The following NDE1 variants were observed in gnomAD, a reference collection of about 807,000 sequenced individuals.
NDE1 encodes nuclear distribution protein nudE homolog 1.
NDE1 carries 28 observed loss-of-function variants against 43.4 expected under a neutral mutation model. The ratio of observed to expected loss-of-function variants is 0.65; its 90% CI spans 0.48 to 0.89. NDE1 has a LOEUF of 0.89. Ranked by LOEUF, NDE1 falls within the 40% of genes least tolerant of loss-of-function variation. The probability of loss-of-function intolerance (pLI) is 0.00; values close to 1 mark genes in which losing one functional copy is unlikely to be tolerated. For missense variants in NDE1, 441 were observed against 434.1 expected (o/e 1.02, Z -0.14); for synonymous variants, 184 against 172.0 (o/e 1.07, Z -0.55).
intron 8 of NDE1, chr16:15,718,463 G>A (rs933924432): frequency 5.2e-6 from 8 of 1,542,570 alleles, no homozygotes; most frequent in South Asian, 1.2e-5. Context: ...GCCATGGTGG[G>A]GGCCTCTACC....
intron 8 of NDE1, among the ~76,000 whole-genome samples, chr16:15,700,765 A>G (rs2039194492): frequency 6.6e-6 from 1 of 151,878 alleles, no homozygotes; most frequent in South Asian, 2.1e-4. Context: ...ATTGGTCTTG[A>G]CAGGTGTTTT....
chr16:15,683,181 A>C (rs1376384981), intron 4 of NDE1: 1 of 152,112 alleles, frequency 6.6e-6, no homozygotes, highest in Admixed American at 6.6e-5. Context: ...TTTTGGCTCA[A>C]AAAGGATATG....
intron 8 of NDE1, among the ~76,000 whole-genome samples, chr16:15,708,261 A>G (rs959811744): frequency 1.3e-5 from 2 of 152,200 alleles, no homozygotes; most frequent in South Asian, 2.1e-4. Context: ...CAAGCCTGTG[A>G]AAGCTGAATC....
chr16:15,653,812 C>G lies in NDE1; in HGVS notation c.-44+3518C>G, dbSNP rs192974344. ...GGGCGATCTCGGCTCACTGCAACCA[C>G]CGCCTCCCATGCTCAAGTGATCCTC... On this transcript the variant is annotated intron_variant, in intron 1 of 8. Coordinates refer to ENST00000396354, the MANE Select transcript of NDE1 (RefSeq NM_017668.3). 6.1e-3 allele frequency among the ~76,000 whole-genome samples: 922 copies of G among 151,756 alleles called. 3 individuals are homozygous for G. The highest frequency in any genetic ancestry group is 9.9e-3 in the Non-Finnish European group (672 of 67,922).
chr16:15,649,825 G>A (rs975335592), upstream of NDE1, among the ~76,000 whole-genome samples: 11 of 152,356 alleles, frequency 7.2e-5, no homozygotes, highest in South Asian at 2.1e-4. Context: ...AGGGCACGGG[G>A]CACTGCTAGC....
chr16:15,667,509 G>C, intron 3 of NDE1, 70 bp downstream of exon 3: 3 of 1,582,490 alleles, frequency 1.9e-6, no homozygotes, highest in South Asian at 2.2e-5. Flanking sequence ...TGCTTGGCTG[G>C]AAGAAGGAAC....
At chr16:15,669,856 C>T (rs1313368077) in intron 3 of NDE1, among the ~76,000 whole-genome samples, 4 of 152,178 alleles carry the variant, frequency 2.6e-5, no homozygotes, top group East Asian at 1.9e-4. Flanking sequence ...TAGCATTCCC[C>T]GCACCTCCAA....
upstream of NDE1, among the ~76,000 whole-genome samples, chr16:15,646,886 A>C (rs1006856488): frequency 1.3e-5 from 2 of 151,936 alleles, no homozygotes; most frequent in Non-Finnish European, 2.9e-5. Context: ...CCCTGCCTCT[A>C]CTAAAATAGA....
rs869069843 is a variant in NDE1 at position 15,690,353 on chromosome 16, CTTTTTTTTTT to C, written c.524-772_524-763del. Among the ~76,000 whole-genome samples, 436 of 81,002 alleles carry C rather than the reference CTTTTTTTTTT, an allele frequency of 5.4e-3. 9 individuals carry two copies. Among genetic ancestry groups the C allele is most frequent in the African/African-American group, 0.021 (411 of 19,488 alleles). The allele number at this position is 81,002 out of a possible 152,430, so 53.1% of individuals were successfully genotyped here. On this transcript the variant is annotated intron_variant, in intron 5 of 8. Coordinates refer to ENST00000396354, the MANE Select transcript of NDE1 (RefSeq NM_017668.3). ...GCAACTGGCCTTTTTTTTTTTTTTT[CTTTTTTTTTT>C]TTTTTTTTTTTTTTTTTTGAGCCAG...
In NDE1 at chr16:15,725,224, C is replaced by G; in HGVS notation, c.*973C>G. 1.6e-6 allele frequency: 1 copy of G among 607,260 alleles called. No individual in the cohort carries two copies. The highest frequency in any genetic ancestry group is 2.9e-6 in the Non-Finnish European group (1 of 345,064). The allele number at this position is 607,260 out of a possible 1,614,324, so 37.6% of individuals were successfully genotyped here. On this transcript the variant is annotated 3_prime_UTR_variant, in exon 9 of 9. Transcript: ENST00000396354. ...TCACCTATGAGTTGGGACCCTGGCC[C>G]TAGACTCTGTGGTTCTAAGAACTTA... is the stretch of plus-strand genomic sequence containing the variant.
intron 8 of NDE1, chr16:15,704,242 T>C: frequency 1.6e-6 from 2 of 1,228,790 alleles, no homozygotes; most frequent in Non-Finnish European, 2.3e-6. Context: ...ATTTTTTTTA[T>C]GGCAGAAAAC....
At chr16:15,680,713 T>C (rs2038133602) in intron 4 of NDE1, among the ~76,000 whole-genome samples, 1 of 152,072 alleles carries the variant, frequency 6.6e-6, no homozygotes, top group African/African-American at 2.4e-5. Flanking sequence ...CTAATTTTTG[T>C]ATTTTTAGCA....
intron 8 of NDE1, chr16:15,720,394 C>T (rs1030644508): frequency 6.5e-7 from 1 of 1,527,414 alleles, no homozygotes; most frequent in South Asian, 1.2e-5. Context: ...ATCACTGCAC[C>T]CCTTCCCCAG....
chr16:15,647,959 G>A (rs1435722957), upstream of NDE1, among the ~76,000 whole-genome samples: 1 of 151,706 alleles, frequency 6.6e-6, no homozygotes, highest in Admixed American at 6.6e-5. Context: ...CTTGAGCCTG[G>A]GAGGTCCAGG....
At chr16:15,671,968 G>A (rs1360020775) in intron 3 of NDE1, among the ~76,000 whole-genome samples, 1 of 152,072 alleles carries the variant, frequency 6.6e-6, no homozygotes, top group African/African-American at 2.4e-5. Flanking sequence ...GATTACAGGT[G>A]TGAGCCACTG....
At chr16:15,662,768 G>A (rs759026026) in intron 1 of NDE1, among the ~76,000 whole-genome samples, 5 of 151,964 alleles carry the variant, frequency 3.3e-5, no homozygotes, top group Non-Finnish European at 7.4e-5. Flanking sequence ...TAGTAGAGAC[G>A]GAGTTTCTCC....
At chr16:15,645,167 G>A (rs780545204) in intron 1 of NDE1, among the ~76,000 whole-genome samples, 2 of 152,040 alleles carry the variant, frequency 1.3e-5, no homozygotes, top group Admixed American at 6.6e-5. Flanking sequence ...TGATCCTCCC[G>A]CCTCGGCCTC....
At chr16:15,649,284 C>CT (rs2036396180), upstream of NDE1, 2 of 152,324 alleles carry the variant, frequency 1.3e-5, no homozygotes, top group Admixed American at 1.3e-4. Flanking sequence ...AACGTTTTTA[C>CT]AAATGCTGTT....
rs2036431671 is a variant in NDE1 at position 15,650,292 on chromosome 16, C to G, written c.-46C>G. On this transcript the variant is annotated splice_region_variant and 5_prime_UTR_variant, in exon 1 of 9. Transcript: ENST00000396354. ...CCGCGTTGGCCTCGCCGCCCCTGCT[C>G]GGGTAAGTGAGGCGCTGCGCGGGGC... is the stretch of plus-strand genomic sequence containing the variant. 2 of 310,498 alleles carry G rather than the reference C, an allele frequency of 6.4e-6. No individual in the cohort carries two copies. The highest frequency in any genetic ancestry group is 1.3e-5 in the Non-Finnish European group (2 of 150,644). The allele number at this position is 310,498 out of a possible 1,614,324, so 19.2% of individuals were successfully genotyped here.
Sources: gnomAD v4.1 joint callset for allele counts (sites outside exome capture counted in the v4.1 genomes callset) on GRCh38, gnomAD v4.1.1 for gene constraint, MANE v1.5 for transcripts, NCBI Gene and HGNC (gene_info 2026-07-23, HGNC 2026-07-21) for gene names.